FCRL3: variants seen among roughly 807,000 people sequenced by gnomAD.
FCRL3 encodes the protein Fc receptor like 3, also known as Fc receptor-like protein 3.
FCRL3 carries 89 observed loss-of-function variants against 75.0 expected under a neutral mutation model. That is an observed-to-expected ratio of 1.19 (90% CI 1.00 to 1.42). FCRL3 has a LOEUF of 1.42. FCRL3 is among the 40% of genes most tolerant of loss of function. The pLI is 0.00. For missense variants in FCRL3, 946 were observed against 880.0 expected (o/e 1.07, Z -0.95); for synonymous variants, 376 against 348.5 (o/e 1.08, Z -0.88).
chr1:157,696,119 A>G lies in FCRL3; in HGVS notation c.1053T>C (p.Ser351=). The G allele has an allele frequency of 2.5e-6, 4 of 1,612,808 alleles. No individual in the cohort carries two copies. The highest frequency in any genetic ancestry group is 3.4e-6 in the Non-Finnish European group (4 of 1,179,740). Reference sequence around the variant, plus strand: ...CTGCACAGTAGTATCTCCCTGCATCACTCTCCTTCACGGTGAGAACATGCA... The same window carrying G: ...CTGCACAGTAGTATCTCCCTGCATCGCTCTCCTTCACGGTGAGAACATGCA... ...AELHVLTVKE[S]DAGRYYCAAD... The change falls in exon 7 of 15, where the codon AGT becomes AGC. Residue 351 remains serine (S), a synonymous_variant. Coordinates refer to ENST00000368184, the MANE Select transcript of FCRL3 (RefSeq NM_052939.4).
chr1:157,690,664 C>T, intron 8 of FCRL3, 131 bp from the exon 9 acceptor site: 1 of 1,128,944 alleles, frequency 8.9e-7, no homozygotes. Flanking sequence ...GGGCTTCAAT[C>T]CTGTCTCTAT....
intron 10 of FCRL3, among the ~76,000 whole-genome samples, chr1:157,684,910 C>T (rs1357381378): frequency 1.3e-5 from 2 of 152,058 alleles, no homozygotes; most frequent in African/African-American, 4.8e-5. Flanking sequence ...CCTGAGAAGT[C>T]TTGTCAATGG....
At chr1:157,690,580 T>C (rs903931866) in intron 8 of FCRL3, 47 bp from the exon 9 acceptor site, 3 of 1,598,228 alleles carry the variant, frequency 1.9e-6, no homozygotes, top group East Asian at 4.5e-5. Flanking sequence ...TAAGTAGGTA[T>C]ACAAGAGAAC....
chr1:157,700,329 C>G, intron 2 of FCRL3, 130 bp downstream of exon 2: 1 of 1,386,502 alleles, frequency 7.2e-7, no homozygotes, highest in Non-Finnish European at 9.9e-7. Context: ...GAACCCAGCT[C>G]TGCTCACTTC....
chr1:157,696,365 G>A (rs777663586), intron 6 of FCRL3, 38 bp from the exon 7 acceptor site: 1 of 1,605,324 alleles, frequency 6.2e-7, no homozygotes, highest in Non-Finnish European at 8.5e-7. Flanking sequence ...GGTCCTGATG[G>A]CAGGGACATC....
At chr1:157,683,875 T>G (rs1228743721) in intron 10 of FCRL3, among the ~76,000 whole-genome samples, 2 of 152,216 alleles carry the variant, frequency 1.3e-5, no homozygotes, top group Non-Finnish European at 2.9e-5. Flanking sequence ...TTAAGTAAAC[T>G]GTCTCCATGC....
At chr1:157,700,842 G>T, upstream of FCRL3, 1 of 784,864 alleles carries the variant, frequency 1.3e-6, no homozygotes, top group Non-Finnish European at 1.6e-6. Context: ...TTTTTCATAT[G>T]GGAAACCCCT....
At chr1:157,696,871 T>C (rs955685592) in intron 6 of FCRL3, 17 of 299,520 alleles carry the variant, frequency 5.7e-5, no homozygotes, top group Admixed American at 9.3e-5. Context: ...TCTAGTTGTC[T>C]CTTGATTCAT....
Position 157,678,329 on chromosome 1 carries a change from A to C in FCRL3, c.*381T>G. 9.8e-7 allele frequency: 1 copy of C among 1,020,236 alleles called. No individual in the cohort carries two copies. The highest frequency in any genetic ancestry group is 1.2e-6 in the Non-Finnish European group (1 of 851,698). 63.2% of individuals were successfully genotyped at this position (1,020,236 alleles called of 1,614,324 possible). ...AAAAGGGAAACAAAATATTTGGAGC[A>C]AATTGTTTATACAGAGAGCACATTA... is the stretch of plus-strand genomic sequence containing the variant. On this transcript the variant is annotated 3_prime_UTR_variant, in exon 15 of 15. Transcript: ENST00000368184.
chr1:157,681,850 G>C (rs556286234), intron 11 of FCRL3, among the ~76,000 whole-genome samples: 227 of 152,148 alleles, frequency 1.5e-3, no homozygotes, highest in African/African-American at 4.7e-3. Flanking sequence ...CTAGTTTACA[G>C]TCCCACCAAC....
At position 157,678,481 on chromosome 1, in the gene FCRL3, T is replaced by A. The variant is rs1408627232; in HGVS notation, c.*229A>T. 3 of 1,387,222 alleles carry A rather than the reference T, an allele frequency of 2.2e-6. No homozygotes were observed. The highest frequency in any genetic ancestry group is 2.8e-6 in the Non-Finnish European group (3 of 1,070,872). The allele number at this position is 1,387,222 out of a possible 1,614,324, so 85.9% of individuals were successfully genotyped here. ...GAGGGCCCTCCTGCCTTGCCACGTGTCTCCACTGTGAAAATAACACAGTGC... is the reference window on the plus strand; with the variant it reads ...GAGGGCCCTCCTGCCTTGCCACGTGACTCCACTGTGAAAATAACACAGTGC... On this transcript the variant is annotated 3_prime_UTR_variant, in exon 15 of 15. Transcript: ENST00000368184.
intron 10 of FCRL3, among the ~76,000 whole-genome samples, chr1:157,685,597 A>C (rs544770047): frequency 4.7e-4 from 71 of 152,310 alleles, no homozygotes; most frequent in Middle Eastern, 3.4e-3. Flanking sequence ...ACTTGACCAA[A>C]TAGACCTAAC....
In FCRL3 at chr1:157,690,999, CTATGTATG is replaced by C. The variant is rs57070872; in HGVS notation, c.1412-474_1412-467del. Among the ~76,000 whole-genome samples, 51 of 149,000 alleles carry C rather than the reference CTATGTATG, an allele frequency of 3.4e-4. 1 individual carries two copies. The highest frequency in any genetic ancestry group is 3.4e-3 in the Middle Eastern group (1 of 294). ...GCATTTAGCACTACCTGACATCTGT[CTATGTATG>C]TATGTATGTATGTATGTATGTATGT... On this transcript the variant is annotated intron_variant, in intron 8 of 14. Transcript: ENST00000368184.
At chr1:157,689,525 T>C (rs1313192694) in intron 10 of FCRL3, among the ~76,000 whole-genome samples, 1 of 152,190 alleles carries the variant, frequency 6.6e-6, no homozygotes, top group South Asian at 2.1e-4. Flanking sequence ...CTTAGGGAGA[T>C]AGAACATGAG....
chr1:157,696,345 G>A lies in FCRL3; in HGVS notation c.845-18C>T, dbSNP rs1163501523. ...AGGGACTCCTGGGGGAACACAAGAT[G>A]GCATGTGAAGGTCCTGATGGCAGGG... is the stretch of plus-strand genomic sequence containing the variant. On this transcript the variant is annotated intron_variant, in intron 6 of 14. Transcript: ENST00000368184. 6.2e-7 allele frequency: 1 copy of A among 1,612,138 alleles called. No individual in the cohort carries two copies. Among genetic ancestry groups the A allele is most frequent in the Non-Finnish European group, 8.5e-7 (1 of 1,178,788 alleles).
At chr1:157,698,045 A>G in intron 4 of FCRL3, 126 bp from the exon 5 acceptor site, 1 of 1,091,012 alleles carries the variant, frequency 9.2e-7, no homozygotes, top group Non-Finnish European at 1.3e-6. Context: ...CCACATTGCC[A>G]TGTGGCCCCA....
chr1:157,698,304 C>A (rs750502132), intron 4 of FCRL3, 80 bp downstream of exon 4: 14 of 1,547,354 alleles, frequency 9.0e-6, no homozygotes, highest in Non-Finnish European at 1.2e-5. Context: ...TACAACTCTG[C>A]CTAGGATCCC....
intron 8 of FCRL3, among the ~76,000 whole-genome samples, chr1:157,693,313 C>A (rs1655674624): frequency 6.7e-6 from 1 of 149,658 alleles, no homozygotes; most frequent in African/African-American, 2.5e-5. Flanking sequence ...CAACATGCAG[C>A]ACTTCCTACT....
rs1342990853 is a variant in FCRL3 at position 157,697,268 on chromosome 1, C to T, written c.716G>A (p.Trp239Ter). The change falls in exon 6 of 15, where the codon TGG (tryptophan) becomes TAG (stop). Residue 239 changes from tryptophan to a stop codon, truncating the protein, a stop_gained. Coordinates refer to ENST00000368184, the MANE Select transcript of FCRL3 (RefSeq NM_052939.4). LOFTEE classifies it high-confidence loss of function. Reference protein sequence around the residue: ...FRDSQTLGLGWSRSPRLQIPA... With the variant: ...FRDSQTLGLG ...GATCTGGAGTCTGGGGGACCTGCTC[C>T]AGCCCAATCCGAGGGTCTGGCTATC... is the stretch of plus-strand genomic sequence containing the variant. 6.2e-7 allele frequency: 1 copy of T among 1,612,028 alleles called. No individual in the cohort carries two copies.
Sources: gnomAD v4.1 joint callset for allele counts (sites outside exome capture counted in the v4.1 genomes callset) on GRCh38, gnomAD v4.1.1 for gene constraint, MANE v1.5 for transcripts, NCBI Gene and HGNC (gene_info 2026-07-23, HGNC 2026-07-21) for gene names.